The following ULK4 variants were observed in gnomAD, a reference collection of about 807,000 sequenced individuals.
The protein encoded by ULK4 is unc-51 like kinase 4, also known as inactive serine/threonine-protein kinase ULK4.
A neutral mutation model predicts 160.6 loss-of-function variants in ULK4; 133 were observed. The ratio of observed to expected loss-of-function variants is 0.83; its 90% CI spans 0.72 to 0.96. The LOEUF is 0.96. Ranked by LOEUF, ULK4 falls within the 40% of genes least tolerant of loss-of-function variation. The probability of loss-of-function intolerance (pLI) is 0.00; values close to 1 mark genes in which losing one functional copy is unlikely to be tolerated. For synonymous variants in ULK4, 534 were observed against 539.8 expected, an observed-to-expected ratio of 0.99 and a Z score of 0.15; for missense variants, 1,580 against 1,499.5, an observed-to-expected ratio of 1.05 and a Z score of -0.89.
chr3:41,483,251 G>A (rs9829820), intron 32 of ULK4, among the ~76,000 whole-genome samples: 52,221 of 151,918 alleles, frequency 0.34, 9,338 homozygotes, highest in African/African-American at 0.41. Flanking sequence ...CCAAAAATAA[G>A]TGAGAACATG....
At chr3:41,721,333 AAT>A (rs71075483) in intron 22 of ULK4, among the ~76,000 whole-genome samples, 1,996 of 26,870 alleles carry the variant, frequency 0.074, 111 homozygotes, top group Middle Eastern at 0.11. Flanking sequence ...TTTTAATGTA[AAT>A]ATATATATAT....
chr3:41,804,841 T>C (rs1321879515), intron 19 of ULK4, among the ~76,000 whole-genome samples: 1 of 152,198 alleles, frequency 6.6e-6, no homozygotes, highest in Admixed American at 6.5e-5. Flanking sequence ...CATTGGTCTA[T>C]ATCTCTGTTT....
chr3:41,388,805 G>A (rs1334367774), intron 35 of ULK4, among the ~76,000 whole-genome samples: 4 of 152,134 alleles, frequency 2.6e-5, no homozygotes, highest in Admixed American at 6.6e-5. Context: ...AAGTCAGGTA[G>A]CATGATCCCT....
At chr3:41,442,652 G>T (rs940529827) in intron 34 of ULK4, among the ~76,000 whole-genome samples, 11 of 152,020 alleles carry the variant, frequency 7.2e-5, no homozygotes, top group African/African-American at 2.7e-4. Context: ...GGAGTGTAGT[G>T]GTGTCACCAT....
At chr3:41,613,669 T>G (rs777904239) in intron 31 of ULK4, among the ~76,000 whole-genome samples, 10 of 152,218 alleles carry the variant, frequency 6.6e-5, no homozygotes, top group Non-Finnish European at 1.3e-4. Flanking sequence ...CAGAAAAAAG[T>G]TGAGATTATT....
intron 32 of ULK4, among the ~76,000 whole-genome samples, chr3:41,503,706 C>T (rs569521291): frequency 6.6e-6 from 1 of 152,174 alleles, no homozygotes; most frequent in African/African-American, 2.4e-5. Context: ...ATGTAATTAG[C>T]ATTTAGTATG....
At chr3:41,941,792 G>A (rs1224387234) in intron 2 of ULK4, among the ~76,000 whole-genome samples, 3 of 112,488 alleles carry the variant, frequency 2.7e-5, no homozygotes, top group East Asian at 6.2e-4. Flanking sequence ...GAAAGAAACT[G>A]TAAAACTAAT....
At chr3:41,569,419 T>A (rs1456723643) in intron 31 of ULK4, among the ~76,000 whole-genome samples, 1 of 152,132 alleles carries the variant, frequency 6.6e-6, no homozygotes, top group East Asian at 1.9e-4. Context: ...AGACAGAGTT[T>A]CTGAGGATTT....
At chr3:41,249,689 T>TG (rs941651950) in intron 35 of ULK4, 115 bp from the exon 36 acceptor site, 125 of 1,066,262 alleles carry the variant, frequency 1.2e-4, no homozygotes, top group Middle Eastern at 2.3e-4. Flanking sequence ...CCTAAGGCAC[T>TG]GGGGGGTGTC....
chr3:41,559,672 T>G (rs2087483298), intron 32 of ULK4, among the ~76,000 whole-genome samples: 1 of 152,206 alleles, frequency 6.6e-6, no homozygotes, highest in Admixed American at 6.5e-5. Flanking sequence ...CATAAATGTC[T>G]TCTTTTGAGA....
chr3:41,954,543 G>T, intron 2 of ULK4, 79 bp downstream of exon 2: 1 of 1,483,826 alleles, frequency 6.7e-7, no homozygotes, highest in South Asian at 1.3e-5. Flanking sequence ...CAAATTCAAT[G>T]ACTACTGTGA....
At chr3:41,767,173 C>T (rs187207820) in intron 21 of ULK4, among the ~76,000 whole-genome samples, 16 of 152,016 alleles carry the variant, frequency 1.1e-4, no homozygotes, top group African/African-American at 2.4e-4. Context: ...CCTTTTTGTC[C>T]GGATAAGTAA....
intron 32 of ULK4, among the ~76,000 whole-genome samples, chr3:41,563,056 G>A (rs1177395191): frequency 1.3e-5 from 2 of 152,162 alleles, no homozygotes; most frequent in Non-Finnish European, 2.9e-5. Flanking sequence ...GGCAAGCCTG[G>A]TGGTGACAGT....
intron 30 of ULK4, among the ~76,000 whole-genome samples, chr3:41,646,722 G>A (rs1575524199): frequency 6.6e-6 from 1 of 152,264 alleles, no homozygotes; most frequent in East Asian, 1.9e-4. Flanking sequence ...TGTATTTCCT[G>A]AATCTGAATG....
intron 31 of ULK4, among the ~76,000 whole-genome samples, chr3:41,613,790 G>A (rs183714502): frequency 2.6e-5 from 4 of 152,304 alleles, no homozygotes; most frequent in African/African-American, 7.2e-5. Flanking sequence ...TTACTTTTTA[G>A]CAGCAAGATC....
chr3:41,267,937 G>C (rs2125683080), intron 35 of ULK4, among the ~76,000 whole-genome samples: 1 of 152,304 alleles, frequency 6.6e-6, no homozygotes, highest in East Asian at 1.9e-4. Flanking sequence ...CGTGAAATAG[G>C]AGTCCAACTG....
At chr3:41,747,106 A>C (rs916423703) in intron 22 of ULK4, among the ~76,000 whole-genome samples, 12 of 151,942 alleles carry the variant, frequency 7.9e-5, no homozygotes, top group Non-Finnish European at 1.2e-4. Flanking sequence ...CAGAGTTCTT[A>C]GTCTTGACAT....
intron 19 of ULK4, among the ~76,000 whole-genome samples, chr3:41,802,425 C>G (rs1227629522): frequency 1.3e-5 from 2 of 152,040 alleles, no homozygotes; most frequent in Non-Finnish European, 2.9e-5. Flanking sequence ...GCCTCCCAAG[C>G]AGCTGGGACA....
Position 41,896,827 on chromosome 3 carries a change from G to A in ULK4, c.1525C>T (p.Pro509Ser), listed in dbSNP as rs762640282. The A allele has an allele frequency of 4.3e-6, 7 of 1,611,844 alleles. No homozygotes were observed. In the Admixed American group the frequency reaches 1.0e-4, roughly 23 times the overall value. Reference protein sequence around the residue: ...QEVATRLLHSPLFQLLIQHLR... With the variant: ...QEVATRLLHSSLFQLLIQHLR... Reference sequence around the variant, plus strand: ...GGCATGTCACACAGGCTTACCAGGGGGGAATGGAGGAGCCTGGTGGCCACC... The same window carrying A: ...GGCATGTCACACAGGCTTACCAGGGAGGAATGGAGGAGCCTGGTGGCCACC... Residue 509 changes from proline (P) to serine (S), a missense_variant, in exon 15 of 37, where the codon CCC (proline) becomes TCC (serine). Coordinates refer to ENST00000301831, the MANE Select transcript of ULK4 (RefSeq NM_017886.4).
Sources: gnomAD v4.1 joint callset for allele counts (sites outside exome capture counted in the v4.1 genomes callset) on GRCh38, gnomAD v4.1.1 for gene constraint, MANE v1.5 for transcripts, NCBI Gene and HGNC (gene_info 2026-07-23, HGNC 2026-07-21) for gene names.